The following TEAD1 variants were observed in gnomAD, a reference collection of about 807,000 sequenced individuals.
The protein encoded by TEAD1 is TEA domain transcription factor 1.
Under a neutral mutation model 54.9 loss-of-function variants are expected in TEAD1, and 9 were observed. The observed-to-expected ratio is 0.16, with a 90% CI of 0.10 to 0.29. The LOEUF is 0.29. Ranked by LOEUF, TEAD1 falls within the 10% of genes least tolerant of loss-of-function variation. The pLI, the probability that TEAD1 is intolerant of heterozygous loss-of-function variation, is 1.00. For missense variants in TEAD1, 387 were observed against 535.9 expected, an observed-to-expected ratio of 0.72 and a Z score of 2.74; for synonymous variants, 200 against 187.8, an observed-to-expected ratio of 1.07 and a Z score of -0.53.
chr11:12,859,248 G>A (rs990853482), intron 3 of TEAD1, among the ~76,000 whole-genome samples: 2 of 150,454 alleles, frequency 1.3e-5, no homozygotes, highest in Admixed American at 6.6e-5. Context: ...AGTTAGTCAG[G>A]TTATGTGTCA....
rs1177175188 is a variant in TEAD1, at chr11:12,944,002, T to C, written c.*6780T>C. 1 of 152,622 alleles carries C rather than the reference T, an allele frequency of 6.6e-6. No homozygotes were observed. The highest frequency in any genetic ancestry group is 1.5e-5 in the Non-Finnish European group (1 of 68,044). 9.5% of individuals were successfully genotyped at this position (152,622 alleles called of 1,614,324 possible). ...ACCTGAATAGCCTTTAATTCTTTAA[T>C]AATACACTTAAATTTTATGTAAATC... On this transcript the variant is annotated 3_prime_UTR_variant, in exon 13 of 13. Coordinates refer to ENST00000527636, the MANE Select transcript of TEAD1 (RefSeq NM_021961.6).
intron 12 of TEAD1, among the ~76,000 whole-genome samples, chr11:12,931,189 C>A (rs887621672): frequency 6.6e-6 from 1 of 152,264 alleles, no homozygotes; most frequent in South Asian, 2.1e-4. Flanking sequence ...CACCAGTGCC[C>A]CTGGATGGTT....
At chr11:12,795,591 G>A (rs973157220) in intron 3 of TEAD1, among the ~76,000 whole-genome samples, 1 of 152,184 alleles carries the variant, frequency 6.6e-6, no homozygotes, top group Non-Finnish European at 1.5e-5. Flanking sequence ...AGAATCACTT[G>A]GAGGGCTGAT....
rs10549378 is a variant in TEAD1 at position 12,885,234 on chromosome 11, CTTT to C, written c.699+2126_699+2128del. ...CAGTTTTGAGGGTCTCTTGAATTGTCTTTTTTTTTTTTTTTTTTTGAGACAGCG... is the reference window on the plus strand; with the variant it reads ...CAGTTTTGAGGGTCTCTTGAATTGTCTTTTTTTTTTTTTTTTGAGACAGCG... On this transcript the variant is annotated intron_variant, in intron 9 of 12. Transcript: ENST00000527636. Among the ~76,000 whole-genome samples the C allele has an allele frequency of 5.8e-4, 61 of 105,000 alleles. 1 individual carries two copies. The highest frequency in any genetic ancestry group is 5.2e-3 in the Middle Eastern group (1 of 194). The allele number at this position is 105,000 out of a possible 152,430, so 68.9% of individuals were successfully genotyped here. A position where few individuals can be genotyped will look rare whatever the true frequency, so the allele number is the denominator to read the frequency against.
Position 12,944,662 on chromosome 11 carries a change from G to C in TEAD1, c.*7440G>C, listed in dbSNP as rs1202355330. Among the ~76,000 whole-genome samples, 1 of 152,138 alleles carries C rather than the reference G, an allele frequency of 6.6e-6. No individual in the cohort carries two copies. The highest frequency in any genetic ancestry group is 2.4e-5 in the African/African-American group (1 of 41,428). On this transcript the variant is annotated 3_prime_UTR_variant, in exon 13 of 13. Coordinates refer to ENST00000527636, the MANE Select transcript of TEAD1 (RefSeq NM_021961.6). ...TTGATGCCTTCTTGATAAAGTGGTAGACATTTTGTAGCTTTCTAGAAACTT... is the reference window on the plus strand; with the variant it reads ...TTGATGCCTTCTTGATAAAGTGGTACACATTTTGTAGCTTTCTAGAAACTT...
chr11:12,715,626 T>C lies in TEAD1; in HGVS notation c.-55+40065T>C, dbSNP rs148427388. Among the ~76,000 whole-genome samples the C allele has an allele frequency of 2.0e-3, 308 of 152,150 alleles. 1 individual carries two copies. The highest frequency in any genetic ancestry group is 6.6e-3 in the African/African-American group (273 of 41,492). On this transcript the variant is annotated intron_variant, in intron 2 of 12. Transcript: ENST00000527636. Reference sequence around the variant, plus strand: ...GGCCTACTGGCATGGAGACCTACCTTGCAGGGGCTTTGCCAGAAGGGGTTG... The same window carrying C: ...GGCCTACTGGCATGGAGACCTACCTCGCAGGGGCTTTGCCAGAAGGGGTTG...
Position 12,864,829 on chromosome 11 carries a change from A to G in TEAD1, c.268-9A>G. 1 of 1,613,680 alleles carries G rather than the reference A, an allele frequency of 6.2e-7. No homozygotes were observed. The highest frequency in any genetic ancestry group is 1.7e-5 in the Admixed American group (1 of 59,956). ...TTCCTTTGTTTTCCTCCCTTCCCCT[A>G]CCCTGCAGGTGTCTAGTCACATTCA... On this transcript the variant is annotated splice_polypyrimidine_tract_variant and intron_variant, in intron 4 of 12. Coordinates refer to ENST00000527636, the MANE Select transcript of TEAD1 (RefSeq NM_021961.6).
chr11:12,680,586 GAA>G (rs1320031500), intron 2 of TEAD1, among the ~76,000 whole-genome samples: 1 of 152,182 alleles, frequency 6.6e-6, no homozygotes, highest in Non-Finnish European at 1.5e-5. Flanking sequence ...CTCCATTTCT[GAA>G]GTTGACATCT....
At chr11:12,690,659 A>G (rs776490777) in intron 2 of TEAD1, among the ~76,000 whole-genome samples, 2 of 152,250 alleles carry the variant, frequency 1.3e-5, no homozygotes, top group Non-Finnish European at 2.9e-5. Flanking sequence ...CACAATGTAC[A>G]GTGTCACTTT....
At chr11:12,798,391 T>C (rs1349502337) in intron 3 of TEAD1, among the ~76,000 whole-genome samples, 3 of 152,232 alleles carry the variant, frequency 2.0e-5, no homozygotes, top group Non-Finnish European at 4.4e-5. Flanking sequence ...ATATTGATTT[T>C]TAACGTATAA....
intron 3 of TEAD1, among the ~76,000 whole-genome samples, chr11:12,838,679 G>A (rs775970388): frequency 1.1e-4 from 17 of 152,164 alleles, no homozygotes; most frequent in Non-Finnish European, 1.8e-4. Flanking sequence ...CCTTGTGCAC[G>A]TCTTTTGGTT....
intron 3 of TEAD1, among the ~76,000 whole-genome samples, chr11:12,786,397 A>T (rs958890558): frequency 1.3e-5 from 2 of 152,194 alleles, no homozygotes; most frequent in Non-Finnish European, 2.9e-5. Context: ...TGCCTCTCCC[A>T]GCTGACCAGA....
At chr11:12,900,642 C>CT (rs371838189) in intron 9 of TEAD1, among the ~76,000 whole-genome samples, 49 of 147,656 alleles carry the variant, frequency 3.3e-4, no homozygotes, top group Middle Eastern at 3.4e-3. Context: ...CCCACACAAT[C>CT]TTTTTTTTTT....
chr11:12,850,537 A>G (rs1947253190), intron 3 of TEAD1, among the ~76,000 whole-genome samples: 1 of 152,202 alleles, frequency 6.6e-6, no homozygotes, highest in South Asian at 2.1e-4. Flanking sequence ...AGGAACTGTT[A>G]TTTCCATTTT....
intron 1 of TEAD1, among the ~76,000 whole-genome samples, chr11:12,675,112 GCCGCGCCCC>G (rs1943050204): frequency 1.4e-5 from 2 of 147,276 alleles, no homozygotes; most frequent in Non-Finnish European, 3.0e-5. Context: ...GGCCGGCCGC[GCCGCGCCCC>G]CCGCGCGCCC....
intron 9 of TEAD1, among the ~76,000 whole-genome samples, chr11:12,895,977 AT>A (rs1158053209): frequency 1.6e-5 from 2 of 121,220 alleles, no homozygotes; most frequent in African/African-American, 6.4e-5. Context: ...TTTTCTCTAA[AT>A]TTAGTATATG....
Position 12,881,026 on chromosome 11 carries a change from A to T in TEAD1, c.487A>T (p.Thr163Ser), listed in dbSNP as rs1409923662. ...CCAGTTCTGGCCGGGAATGATTCAA[A>T]CAGGGCAGCCAGGATCCTCACAAGA... Residue 163 changes from threonine (T) to serine (S), a missense_variant, in exon 7 of 13, where the codon ACA (threonine) becomes TCA (serine). Around this residue, in one of 5 missense-constraint regions of TEAD1, gnomAD observed 180 missense variants for 180.6 expected, o/e 1.00. Coordinates refer to ENST00000527636, the MANE Select transcript of TEAD1 (RefSeq NM_021961.6). 6.2e-7 allele frequency: 1 copy of T among 1,614,116 alleles called. No homozygotes were observed.
chr11:12,771,967 C>T (rs899649744), intron 3 of TEAD1, among the ~76,000 whole-genome samples: 1 of 152,108 alleles, frequency 6.6e-6, no homozygotes, highest in Non-Finnish European at 1.5e-5. Flanking sequence ...GGAGTATGGC[C>T]TGGGAAACTG....
chr11:12,711,969 C>T (rs1283501328), intron 2 of TEAD1, among the ~76,000 whole-genome samples: 1 of 152,146 alleles, frequency 6.6e-6, no homozygotes, highest in Admixed American at 6.5e-5. Context: ...CTCTTCTCTA[C>T]TCCTCTTCTC....
Sources: allele counts gnomAD v4.1 joint callset (sites outside exome capture counted in the v4.1 genomes callset), GRCh38; gene constraint gnomAD v4.1.1; regional missense constraint gnomAD v4.1.1; transcripts MANE v1.5; gene names NCBI Gene and HGNC (gene_info 2026-07-23, HGNC 2026-07-21).